The following LYRM4 variants were observed in gnomAD, a reference collection of about 807,000 sequenced individuals.
LYRM4 encodes the protein LYR motif-containing protein 4.
A neutral mutation model predicts 11.7 loss-of-function variants in LYRM4; 9 were observed. The ratio of observed to expected loss-of-function variants is 0.77; its 90% CI spans 0.46 to 1.34. The LOEUF is 1.34. LYRM4 is among the 40% of genes most tolerant of loss of function. LYRM4 has a pLI of 0.00. For synonymous variants in LYRM4, 42 were observed against 40.4 expected (o/e 1.04, Z -0.15); for missense variants, 133 against 112.5 (o/e 1.18, Z -0.82).
chr6:5,168,203 ATCT>A (rs1269160668), intron 2 of LYRM4, among the ~76,000 whole-genome samples: 1 of 152,202 alleles, frequency 6.6e-6, no homozygotes, highest in Non-Finnish European at 1.5e-5. Flanking sequence ...GTACAAAATC[ATCT>A]TCTGCAACCA....
At chr6:5,078,550 A>G in the LYRM4 span, among the ~76,000 whole-genome samples, 1 of 152,114 alleles carries the variant, frequency 6.6e-6, no homozygotes, top group Admixed American at 6.6e-5. Flanking sequence ...GCTCTTCTAG[A>G]TTGGCTAAAT....
chr6:5,141,287 G>A lies in LYRM4; in HGVS notation c.208-31796C>T, dbSNP rs114395717. Among the ~76,000 whole-genome samples the A allele has an allele frequency of 1.9e-3, 292 of 152,312 alleles. 1 individual carries two copies. Among genetic ancestry groups the A allele is most frequent in the African/African-American group, 6.7e-3 (280 of 41,568 alleles). On this transcript the variant is annotated intron_variant, in intron 2 of 2. Coordinates refer to ENST00000330636, the MANE Select transcript of LYRM4 (RefSeq NM_020408.6). ...GTACACTGCCTTAGGTCACAGGACT[G>A]TAGCCTGATTTATCAATAACTCGCC... is the stretch of plus-strand genomic sequence containing the variant.
the LYRM4 span, among the ~76,000 whole-genome samples, chr6:5,091,904 C>T: frequency 6.6e-6 from 1 of 152,200 alleles, no homozygotes; most frequent in African/African-American, 2.4e-5. Flanking sequence ...TATAATTTCT[C>T]CGATTGTAGT....
At chr6:5,104,280 A>ATT (rs879710351), downstream of LYRM4, 2 of 143,994 alleles carry the variant, frequency 1.4e-5, no homozygotes, top group African/African-American at 2.5e-5. Flanking sequence ...TATCCCAGTT[A>ATT]TTTTTTTTTT....
the LYRM4 span, chr6:5,084,993 G>A: frequency 8.9e-3 from 1,410 of 158,710 alleles, 15 homozygotes; most frequent in African/African-American, 0.031. Context: ...TCATGGGCAG[G>A]AAGACTTTGT....
intron 2 of LYRM4, among the ~76,000 whole-genome samples, chr6:5,165,571 C>T (rs1413255911): frequency 1.3e-5 from 2 of 149,924 alleles, no homozygotes; most frequent in African/African-American, 4.9e-5. Context: ...GAGACAGAAT[C>T]TCACTCTGTT....
chr6:5,130,610 C>T (rs1416752640), intron 2 of LYRM4, among the ~76,000 whole-genome samples: 4 of 152,160 alleles, frequency 2.6e-5, no homozygotes, highest in African/African-American at 9.7e-5. Flanking sequence ...CAAATGGCTG[C>T]TTCTAAAACT....
chr6:5,172,088 C>G (rs409295), intron 2 of LYRM4, among the ~76,000 whole-genome samples: 1 of 152,010 alleles, frequency 6.6e-6, no homozygotes, highest in East Asian at 1.9e-4. Flanking sequence ...AGAGTCAACA[C>G]CCACAAGCCT....
the LYRM4 span, among the ~76,000 whole-genome samples, chr6:5,083,067 C>A: frequency 6.6e-6 from 1 of 152,148 alleles, no homozygotes; most frequent in Non-Finnish European, 1.5e-5. Flanking sequence ...GCATTTCCAC[C>A]GCACAGAGGA....
chr6:5,120,431 T>C (rs779264901), intron 2 of LYRM4, among the ~76,000 whole-genome samples: 1 of 152,148 alleles, frequency 6.6e-6, no homozygotes, highest in African/African-American at 2.4e-5. Context: ...ACTTCAGGAA[T>C]GAAGCCACAG....
intron 2 of LYRM4, among the ~76,000 whole-genome samples, chr6:5,125,361 G>T (rs1331946107): frequency 6.6e-6 from 1 of 152,190 alleles, no homozygotes; most frequent in Non-Finnish European, 1.5e-5. Context: ...GCCTCGACAT[G>T]GAACCTTTGG....
At chr6:5,192,773 C>T (rs546786327) in intron 2 of LYRM4, among the ~76,000 whole-genome samples, 44 of 152,340 alleles carry the variant, frequency 2.9e-4, no homozygotes, top group African/African-American at 9.1e-4. Flanking sequence ...CGCCTGTAAT[C>T]CCAGGACTTT....
At chr6:5,133,448 C>T (rs1020695953) in intron 2 of LYRM4, among the ~76,000 whole-genome samples, 3 of 152,156 alleles carry the variant, frequency 2.0e-5, no homozygotes, top group Non-Finnish European at 4.4e-5. Flanking sequence ...TCCAAAGACA[C>T]GATCCTGACC....
chr6:5,255,511 T>C (rs565353770), intron 1 of LYRM4, among the ~76,000 whole-genome samples: 2 of 151,002 alleles, frequency 1.3e-5, no homozygotes, highest in African/African-American at 2.5e-5. Context: ...TTTTTTTTTC[T>C]AATATGATAA....
At chr6:5,073,578 GTATA>G in the LYRM4 span, among the ~76,000 whole-genome samples, 1 of 146,952 alleles carries the variant, frequency 6.8e-6, no homozygotes, top group South Asian at 2.1e-4. Flanking sequence ...ATAGTACATA[GTATA>G]TATATTTTAT....
At chr6:5,128,297 A>G (rs1291573810) in intron 2 of LYRM4, among the ~76,000 whole-genome samples, 2 of 152,192 alleles carry the variant, frequency 1.3e-5, no homozygotes, top group Non-Finnish European at 2.9e-5. Context: ...TCCTGGAAGC[A>G]GGGCACCCAT....
At chr6:5,147,513 A>G (rs928854571) in intron 2 of LYRM4, among the ~76,000 whole-genome samples, 4 of 152,206 alleles carry the variant, frequency 2.6e-5, no homozygotes, top group African/African-American at 9.6e-5. Flanking sequence ...AGTTGAAACT[A>G]TGGGTTATCA....
chr6:5,260,438 C>T (rs1016055811), intron 1 of LYRM4, among the ~76,000 whole-genome samples: 1 of 152,252 alleles, frequency 6.6e-6, no homozygotes, highest in African/African-American at 2.4e-5. Context: ...GAACGTCTCC[C>T]CTGGTAGAAA....
At chr6:5,069,451 CA>C in the LYRM4 span, among the ~76,000 whole-genome samples, 1 of 149,580 alleles carries the variant, frequency 6.7e-6, no homozygotes, top group Non-Finnish European at 1.5e-5. Context: ...TCATCAGCTA[CA>C]CTATATATAT....
Sources: allele counts gnomAD v4.1 joint callset (sites outside exome capture counted in the v4.1 genomes callset), GRCh38; gene constraint gnomAD v4.1.1; transcripts MANE v1.5; gene names NCBI Gene and HGNC (gene_info 2026-07-23, HGNC 2026-07-21).